The following F12 variants were observed in gnomAD, a reference collection of about 807,000 sequenced individuals.
The protein encoded by F12 is Hageman factor.
F12 carries 70 observed loss-of-function variants against 74.8 expected under a neutral mutation model. The observed-to-expected ratio is 0.94, with a 90% CI of 0.77 to 1.14. The LOEUF is 1.14. F12 is among the 50% of genes most tolerant of loss of function. The pLI, the probability that F12 is intolerant of heterozygous loss-of-function variation, is 0.00. For missense variants in F12, 811 were observed against 835.7 expected (o/e 0.97, Z 0.36); for synonymous variants, 373 against 356.4 (o/e 1.05, Z -0.52).
At chr5:177,403,721 C>T in intron 10 of F12, 104 bp from the exon 11 acceptor site, 1 of 1,511,448 alleles carries the variant, frequency 6.6e-7, no homozygotes, top group South Asian at 1.2e-5. Context: ...AGCTTCCTCC[C>T]CGGGAGCTCC....
In F12 at chr5:177,402,548, A is replaced by G; in HGVS notation, c.1680+2T>C. The G allele has an allele frequency of 6.2e-7, 1 of 1,610,680 alleles. No individual in the cohort carries two copies. Among genetic ancestry groups the G allele is most frequent in the Non-Finnish European group, 8.5e-7 (1 of 1,178,900 alleles). On this transcript the variant is annotated splice_donor_variant, in intron 13 of 13. Coordinates refer to ENST00000253496, the MANE Select transcript of F12 (RefSeq NM_000505.4). LOFTEE classifies it high-confidence loss of function. Reference sequence around the variant, plus strand: ...AGGGCGCCAACCGGGCTAAGAGCTCACCTGGCACGCATCGGTGCCGCCCTC... The same window carrying G: ...AGGGCGCCAACCGGGCTAAGAGCTCGCCTGGCACGCATCGGTGCCGCCCTC...
chr5:177,404,523 C>A lies in F12; in HGVS notation c.776G>T (p.Gly259Val). ...CCGGCAGAAGGCGTGGCCGCCCAGT[C>A]CCCAGTTCCGCGCTTGCTCGGCAGT... ...NVTAEQARNW[G>V]LGGHAFCRNP... The change falls in exon 8 of 14, where the codon GGA (glycine) becomes GTA (valine). Residue 259 changes from glycine to valine, a missense_variant. Physicochemically the swap from Gly to Val is moderately radical, Grantham distance 109. Transcript: ENST00000253496. 6.3e-7 allele frequency: 1 copy of A among 1,597,284 alleles called. No homozygotes were observed. The highest frequency in any genetic ancestry group is 1.1e-5 in the South Asian group (1 of 89,400).
In F12 at chr5:177,404,340, G is replaced by C. The variant is rs781407701; in HGVS notation, c.874C>G (p.Leu292Val). The part of the protein sequence containing the change: ...RDRLSWEYCD[L>V]AQCQTPTQAA... ...TGGGTTGGGGTCTGGCACTGTGCCAGGTCGCAGTACTCCCAGCTCAGCCGG... is the reference window on the plus strand; with the variant it reads ...TGGGTTGGGGTCTGGCACTGTGCCACGTCGCAGTACTCCCAGCTCAGCCGG... Residue 292 changes from leucine to valine, a missense_variant, in exon 9 of 14, where the codon CTG (leucine) becomes GTG (valine). Physicochemically the swap from Leu to Val is conservative, Grantham distance 32. Transcript: ENST00000253496. 1.5e-5 allele frequency: 24 copies of C among 1,610,992 alleles called. No individual in the cohort carries two copies. In the South Asian group the frequency reaches 2.4e-4, roughly 16 times the overall value.
At chr5:177,405,913 G>A (rs1763278511) in intron 3 of F12, 49 bp downstream of exon 3, 11 of 1,601,286 alleles carry the variant, frequency 6.9e-6, no homozygotes, top group Non-Finnish European at 9.4e-6. Flanking sequence ...AGGACAGGCA[G>A]GGTACATGTC....
chr5:177,409,453 G>C lies in F12; in HGVS notation c.57+18C>G, dbSNP rs1255948907. 2 of 1,613,502 alleles carry C rather than the reference G, an allele frequency of 1.2e-6. No homozygotes were observed. Among genetic ancestry groups the C allele is most frequent in the East Asian group, 2.2e-5 (1 of 44,888 alleles). On this transcript the variant is annotated intron_variant, in intron 1 of 13. Coordinates refer to ENST00000253496, the MANE Select transcript of F12 (RefSeq NM_000505.4). ...CCCAGAACAATCCTGGGACAATCCT[G>C]GTTCCCACAGCACTCACCGAAAGTG...
chr5:177,405,481 A>G (rs1763268538), intron 4 of F12, 48 bp from the exon 5 acceptor site: 2 of 1,569,470 alleles, frequency 1.3e-6, no homozygotes, highest in Non-Finnish European at 8.7e-7. Flanking sequence ...TGAGTCACAC[A>G]GCTGGGGGCC....
chr5:177,405,992 G>A lies in F12; in HGVS notation c.185C>T (p.Thr62Ile). The A allele has an allele frequency of 6.2e-7, 1 of 1,614,140 alleles. No homozygotes were observed. Among genetic ancestry groups the A allele is most frequent in the Non-Finnish European group, 8.5e-7 (1 of 1,180,034 alleles). The change falls in exon 3 of 14, where the codon ACC (threonine) becomes ATC (isoleucine). Residue 62 changes from threonine (T) to isoleucine (I), a missense_variant. By Grantham distance (89) the Thr-to-Ile change is moderately conservative. Coordinates refer to ENST00000253496, the MANE Select transcript of F12 (RefSeq NM_000505.4). ...QYHRQLYHKCTHKGRPGPQPW... is the reference protein window; with the variant it reads ...QYHRQLYHKCIHKGRPGPQPW... ...CTGAGGGCCTGGCCGGCCCTTGTGG[G>A]TACATTTGTGGTACAGCTGCCGGTG...
chr5:177,409,331 C>T (rs1763354039), intron 1 of F12, 140 bp downstream of exon 1: 1 of 1,091,918 alleles, frequency 9.2e-7, no homozygotes, highest in Non-Finnish European at 1.4e-6. Context: ...CTGCCTGGGC[C>T]TTCCGGGCTG....
chr5:177,407,061 A>G (rs1042743004), intron 2 of F12, among the ~76,000 whole-genome samples: 4 of 152,228 alleles, frequency 2.6e-5, no homozygotes, highest in African/African-American at 9.6e-5. Flanking sequence ...TTAGGGAGAA[A>G]GCGTGTGTTA....
In F12 at chr5:177,405,730, AGCACCTTTCACTTTCTTGG is replaced by A. The variant is rs1763273327; in HGVS notation, c.272_286+4del. On this transcript the variant is annotated splice_donor_variant and splice_donor_region_variant and coding_sequence_variant and intron_variant, in exon 4 of 14. Transcript: ENST00000253496. LOFTEE classifies it high-confidence loss of function. ...CCAGGCCACCCCAGAGGCTGTGTGT[AGCACCTTTCACTTTCTTGG>A]GCTCCAAACAGTATCCCCATCGCTG... The A allele has an allele frequency of 6.2e-7, 1 of 1,614,098 alleles. No homozygotes were observed. Among genetic ancestry groups the A allele is most frequent in the Non-Finnish European group, 8.5e-7 (1 of 1,179,956 alleles).
rs1763169560 is a variant in F12, at chr5:177,402,668, TC to T, written c.1561del (p.Glu521ArgfsTer143). ...GAEEYASFLQEAQVPFLSLER... is the reference protein window; with the variant it reads ...GAEEYASFLQXAQVPFLSLER... ...CAGGGAGAGGAACGGTACCTGCGCC[TC>T]CTGCAGGAAGCTGGCATATTCCTCC... is the stretch of plus-strand genomic sequence containing the variant. On this transcript the variant is annotated frameshift_variant, in exon 13 of 14. Coordinates refer to ENST00000253496, the MANE Select transcript of F12 (RefSeq NM_000505.4). LOFTEE classifies it high-confidence loss of function. 6.2e-7 allele frequency: 1 copy of T among 1,612,298 alleles called. No homozygotes were observed. The highest frequency in any genetic ancestry group is 1.1e-5 in the South Asian group (1 of 91,038).
In F12 at chr5:177,404,244, T is replaced by A; in HGVS notation, c.970A>T (p.Lys324Ter). The change falls in exon 9 of 14, where the codon AAG becomes TAG. Residue 324 changes from lysine to a stop codon, truncating the protein, a stop_gained. Coordinates refer to ENST00000253496, the MANE Select transcript of F12 (RefSeq NM_000505.4). LOFTEE classifies it high-confidence loss of function. ...PLMPAQPAPP[K>*]PQPTTRTPPQ... is the part of the protein sequence containing the mutation. ...GGGGTCCGGGTCGTGGGCTGAGGCT[T>A]CGGCGGTGCCGGCTGCGCGGGCATG... 6.3e-7 allele frequency: 1 copy of A among 1,598,942 alleles called. No homozygotes were observed. Among genetic ancestry groups the A allele is most frequent in the Non-Finnish European group, 8.5e-7 (1 of 1,171,478 alleles).
intron 4 of F12, 104 bp downstream of exon 4, chr5:177,405,631 G>A: frequency 7.7e-7 from 1 of 1,294,320 alleles, no homozygotes; most frequent in East Asian, 2.3e-5. Flanking sequence ...AGGGAGAGAA[G>A]GGGCTGGGTC....
At chr5:177,407,931 G>C (rs1425111785) in intron 2 of F12, among the ~76,000 whole-genome samples, 2 of 152,178 alleles carry the variant, frequency 1.3e-5, no homozygotes, top group Non-Finnish European at 2.9e-5. Context: ...GGAGGCTGAG[G>C]GAGTCCAGGG....
Position 177,404,229 on chromosome 5 carries a change from T to C in F12, c.985A>G (p.Thr329Ala). The change falls in exon 9 of 14, where the codon ACC (threonine) becomes GCC (alanine). Residue 329 changes from threonine (T) to alanine (A), a missense_variant. By Grantham distance (58) the Thr-to-Ala change is moderately conservative. Coordinates refer to ENST00000253496, the MANE Select transcript of F12 (RefSeq NM_000505.4). ...QPAPPKPQPT[T>A]RTPPQSQTPG... ...GTCTGGGACTGAGGCGGGGTCCGGG[T>C]CGTGGGCTGAGGCTTCGGCGGTGCC... 6.2e-7 allele frequency: 1 copy of C among 1,602,454 alleles called. No individual in the cohort carries two copies.
intron 6 of F12, 36 bp downstream of exon 6, chr5:177,405,018 C>T (rs779830593): frequency 8.1e-6 from 13 of 1,606,312 alleles, no homozygotes; most frequent in Non-Finnish European, 1.0e-5. Flanking sequence ...GTCTTCCTGA[C>T]GCTCCTCCCT....
In F12 at chr5:177,402,312, G is replaced by A. The variant is rs1763153393; in HGVS notation, c.1828C>T (p.Arg610Trp). The A allele has an allele frequency of 1.2e-6, 2 of 1,613,800 alleles. No individual in the cohort carries two copies. The highest frequency in any genetic ancestry group is 2.7e-5 in the African/African-American group (2 of 75,048). The change falls in exon 14 of 14, where the codon CGG becomes TGG. Residue 610 changes from arginine (R) to tryptophan (W), a missense_variant. Transcript: ENST00000253496. ...TDVAYYLAWI[R>W]EHTVS is the part of the protein sequence containing the mutation. The stretch of plus-strand genomic sequence containing the variant: ...AGCAATCAGGAAACGGTGTGCTCCC[G>A]GATCCAGGCCAGGTAGTAGGCCACA...
Position 177,404,018 on chromosome 5 carries a change from C to A in F12, c.1091G>T (p.Arg364Leu), listed in dbSNP as rs753506439. 2 of 1,602,040 alleles carry A rather than the reference C, an allele frequency of 1.2e-6. No individual in the cohort carries two copies. The highest frequency in any genetic ancestry group is 1.7e-4 in the Middle Eastern group (1 of 6,058). The change falls in exon 10 of 14, where the codon CGC (arginine) becomes CTC (leucine). Residue 364 changes from arginine (R) to leucine (L), a missense_variant. Transcript: ENST00000253496. ...NGPLSCGQRL[R>L]KSLSSMTRVV... ...GCGGGTCATCGAAGACAGACTCTTG[C>A]GGAGCCGCTGCCCGCAGCTCAGTGG...
In F12 at chr5:177,402,432, C is replaced by A; in HGVS notation, c.1708G>T (p.Glu570Ter). ...AGCCGGCGCTCTGCAGCTTGGTCCT[C>A]ACACACCAGCGGGCCTCCGGAATCA... is the stretch of plus-strand genomic sequence containing the variant. ...QGDSGGPLVC[E>*]DQAAERRLTL... is the part of the protein sequence containing the mutation. Residue 570 changes from glutamate to a stop codon, truncating the protein, a stop_gained, in exon 14 of 14, where the codon GAG (glutamate) becomes TAG (stop). Transcript: ENST00000253496. LOFTEE classifies it low-confidence loss of function (END_TRUNC). 1 of 1,610,780 alleles carries A rather than the reference C, an allele frequency of 6.2e-7. No homozygotes were observed. Among genetic ancestry groups the A allele is most frequent in the Non-Finnish European group, 8.5e-7 (1 of 1,178,784 alleles).
Sources: gnomAD v4.1 joint callset for allele counts (sites outside exome capture counted in the v4.1 genomes callset) on GRCh38, gnomAD v4.1.1 for gene constraint, MANE v1.5 for transcripts, NCBI Gene and HGNC (gene_info 2026-07-23, HGNC 2026-07-21) for gene names.